Variants in ASAP1 observed in about 807,000 individuals in gnomAD.
ASAP1 encodes the protein arf-GAP with SH3 domain, ANK repeat and PH domain-containing protein 1.
ASAP1 carries 43 observed loss-of-function variants against 145.2 expected under a neutral mutation model. The observed-to-expected ratio is 0.30, with a 90% CI of 0.23 to 0.38. The LOEUF (loss-of-function observed/expected upper bound fraction) is 0.38. Among genes scored for constraint, ASAP1 ranks in the 10% least tolerant of loss-of-function variants. The probability of loss-of-function intolerance (pLI) is 1.00; values close to 1 mark genes in which losing one functional copy is unlikely to be tolerated. For missense variants in ASAP1, 1,018 were observed against 1,355.3 expected (o/e 0.75, Z 3.91); for synonymous variants, 546 against 515.5 (o/e 1.06, Z -0.80).
chr8:130,071,085 A>AT (rs1321940337), intron 27 of ASAP1, among the ~76,000 whole-genome samples: 2 of 148,958 alleles, frequency 1.3e-5, no homozygotes, highest in South Asian at 2.1e-4. Flanking sequence ...AAAAAAAAGT[A>AT]TTTTTTCTCC....
chr8:130,331,204 G>A (rs1414089630), intron 3 of ASAP1, among the ~76,000 whole-genome samples: 2 of 152,150 alleles, frequency 1.3e-5, no homozygotes, highest in Non-Finnish European at 2.9e-5. Flanking sequence ...TGGCTATTTC[G>A]AGTGGAAAGA....
At chr8:130,397,126 C>T (rs1375764358) in intron 2 of ASAP1, among the ~76,000 whole-genome samples, 1 of 150,848 alleles carries the variant, frequency 6.6e-6, no homozygotes, top group African/African-American at 2.5e-5. Context: ...CATTCATTCA[C>T]ATATTTATGA....
At chr8:130,385,422 C>T (rs746758336) in intron 2 of ASAP1, among the ~76,000 whole-genome samples, 11 of 152,254 alleles carry the variant, frequency 7.2e-5, no homozygotes, top group African/African-American at 2.4e-5. Context: ...AGAGTTAGGG[C>T]GGGCCTTGTG....
At chr8:130,059,623 T>C (rs916562776) in intron 28 of ASAP1, among the ~76,000 whole-genome samples, 3 of 152,222 alleles carry the variant, frequency 2.0e-5, no homozygotes, top group African/African-American at 7.2e-5. Flanking sequence ...GTGAGGCAGG[T>C]AGAGCTGCCA....
chr8:130,323,619 T>C (rs190131857), intron 3 of ASAP1, among the ~76,000 whole-genome samples: 1 of 152,274 alleles, frequency 6.6e-6, no homozygotes, highest in African/African-American at 2.4e-5. Context: ...CTACTGTCTG[T>C]TCCCCCTAAT....
At chr8:130,311,789 A>AT in intron 3 of ASAP1, among the ~76,000 whole-genome samples, 1 of 143,416 alleles carries the variant, frequency 7.0e-6, no homozygotes, top group South Asian at 2.3e-4. Context: ...AAAATAAGTG[A>AT]TATAGGTTAC....
chr8:130,087,984 G>A (rs1260925994), intron 25 of ASAP1, among the ~76,000 whole-genome samples: 1 of 152,146 alleles, frequency 6.6e-6, no homozygotes, highest in East Asian at 1.9e-4. Context: ...GGTTGGATGT[G>A]ACTCTTTGGG....
At chr8:130,171,874 G>A (rs573970714) in intron 9 of ASAP1, among the ~76,000 whole-genome samples, 1 of 152,318 alleles carries the variant, frequency 6.6e-6, no homozygotes, top group Non-Finnish European at 1.5e-5. Context: ...GGAGTTAAAA[G>A]TATGGGTACA....
chr8:130,213,802 G>A (rs757349890), intron 5 of ASAP1, among the ~76,000 whole-genome samples: 5 of 152,124 alleles, frequency 3.3e-5, no homozygotes, highest in Non-Finnish European at 5.9e-5. Flanking sequence ...CAAATGATCC[G>A]TCCAGGTGGT....
At chr8:130,244,582 C>G (rs1477028432) in intron 3 of ASAP1, among the ~76,000 whole-genome samples, 1 of 152,140 alleles carries the variant, frequency 6.6e-6, no homozygotes, top group African/African-American at 2.4e-5. Context: ...CACTCATCCA[C>G]CCAGCAAACA....
intron 4 of ASAP1, among the ~76,000 whole-genome samples, chr8:130,233,583 T>G (rs1818038050): frequency 6.6e-6 from 1 of 152,154 alleles, no homozygotes; most frequent in Non-Finnish European, 1.5e-5. Context: ...GAATATCATT[T>G]CCTCCAAGTG....
At chr8:130,130,716 C>CTGATGAGA (rs1484696454) in intron 15 of ASAP1, among the ~76,000 whole-genome samples, 1 of 152,178 alleles carries the variant, frequency 6.6e-6, no homozygotes, top group African/African-American at 2.4e-5. Flanking sequence ...TCCCATCTTA[C>CTGATGAGA]TGATGAGAAG....
chr8:130,209,550 TA>T (rs145484434), intron 5 of ASAP1, among the ~76,000 whole-genome samples: 438 of 138,498 alleles, frequency 3.2e-3, no homozygotes, highest in Non-Finnish European at 2.6e-3. Flanking sequence ...GCTCTTACAG[TA>T]AAAAAAAAAA....
intron 5 of ASAP1, among the ~76,000 whole-genome samples, chr8:130,198,288 C>A (rs1475673375): frequency 6.6e-6 from 1 of 152,050 alleles, no homozygotes; most frequent in Non-Finnish European, 1.5e-5. Context: ...CCACACCCAG[C>A]TGATTTTTGT....
chr8:130,403,542 C>A (rs1037907232), intron 1 of ASAP1, among the ~76,000 whole-genome samples: 1 of 132,762 alleles, frequency 7.5e-6, no homozygotes, highest in Non-Finnish European at 1.6e-5. Flanking sequence ...AAGACATTTT[C>A]TTTTTCTTTT....
Position 130,340,737 on chromosome 8 carries a change from C to T in ASAP1, c.186+17280G>A. 9 of 358,604 alleles carry T rather than the reference C, an allele frequency of 2.5e-5. 1 individual carries two copies. Among genetic ancestry groups the T allele is most frequent in the Middle Eastern group, 3.7e-4 (1 of 2,678 alleles). The allele number at this position is 358,604 out of a possible 1,614,324, so 22.2% of individuals were successfully genotyped here. On this transcript the variant is annotated intron_variant, in intron 3 of 29. Transcript: ENST00000518721. ...CATTTATTGATCTTCTCTAAGCATT[C>T]ATTCACTTCCTGTGAAATGGAGAAA...
intron 2 of ASAP1, among the ~76,000 whole-genome samples, chr8:130,374,190 G>A (rs1002279989): frequency 2.0e-5 from 3 of 152,160 alleles, no homozygotes; most frequent in Non-Finnish European, 4.4e-5. Context: ...TCTCTAAAAT[G>A]AGGCTAATGA....
At chr8:130,170,169 T>C (rs960753989) in intron 9 of ASAP1, among the ~76,000 whole-genome samples, 1 of 148,392 alleles carries the variant, frequency 6.7e-6, no homozygotes, top group Non-Finnish European at 1.5e-5. Flanking sequence ...AATGAAGCAA[T>C]ATCAAGACAT....
At chr8:130,137,836 C>G (rs529546869) in intron 13 of ASAP1, among the ~76,000 whole-genome samples, 1 of 152,186 alleles carries the variant, frequency 6.6e-6, no homozygotes, top group African/African-American at 2.4e-5. Context: ...TCAAAACACT[C>G]TCCTGCCTGC....
Sources: gnomAD v4.1 joint callset for allele counts (sites outside exome capture counted in the v4.1 genomes callset) on GRCh38, gnomAD v4.1.1 for gene constraint, MANE v1.5 for transcripts, NCBI Gene and HGNC (gene_info 2026-07-23, HGNC 2026-07-21) for gene names.